OGFOD2: variants seen among roughly 807,000 people sequenced by gnomAD.
OGFOD2 encodes the protein 2-oxoglutarate and iron dependent oxygenase domain containing 2, also known as 2-oxoglutarate and iron-dependent oxygenase domain-containing protein 2.
A neutral mutation model predicts 31.1 loss-of-function variants in OGFOD2; 34 were observed. The ratio of observed to expected loss-of-function variants is 1.09; its 90% CI spans 0.83 to 1.45. The LOEUF (loss-of-function observed/expected upper bound fraction) is 1.45. OGFOD2 is among the 40% of genes most tolerant of loss of function. The probability of loss-of-function intolerance (pLI) is 0.00; values close to 1 mark genes in which losing one functional copy is unlikely to be tolerated. For synonymous variants in OGFOD2, 240 were observed against 192.3 expected (o/e 1.25, Z -2.05); for missense variants, 537 against 433.9 (o/e 1.24, Z -2.11).
exon 1 of OGFOD2, chr12:122,975,254 G>A (rs1274452883): frequency 1.5e-6 from 1 of 679,902 alleles, no homozygotes. Context: ...GCTTCACTAT[G>A]GCGACGGTGG....
rs751284511 is a variant in OGFOD2 at position 122,976,653 on chromosome 12, G to A, written c.190-1G>A. On this transcript the variant is annotated splice_acceptor_variant, in intron 2 of 6. Transcript: ENST00000228922. LOFTEE classifies it high-confidence loss of function. ...CTGGTAACAACCCTGTGCCACCCCA[G>A]CTTGAGCAGGAGGTGGAGCGGCGGC... 7 of 1,589,776 alleles carry A rather than the reference G, an allele frequency of 4.4e-6. No individual in the cohort carries two copies. The South Asian group carries it at 7.7e-5, about 18-fold the overall frequency.
intron 1 of OGFOD2, 188 bp from the exon 2 acceptor site, chr12:122,975,623 T>C: frequency 1.7e-6 from 1 of 604,204 alleles, no homozygotes; most frequent in Non-Finnish European, 3.0e-6. Flanking sequence ...GGGCTCAGCT[T>C]GCCGCCTCAC....
At chr12:122,979,438 ACTT>A in exon 7 of OGFOD2, 3 of 1,427,566 alleles carry the variant, frequency 2.1e-6, no homozygotes, top group Non-Finnish European at 2.8e-6. Flanking sequence ...AGCCTACTGC[ACTT>A]CTTGGCTCAA....
At chr12:122,978,947 C>T (rs774052982) in exon 6 of OGFOD2, 1 of 1,613,322 alleles carries the variant, frequency 6.2e-7, no homozygotes, top group Non-Finnish European at 8.5e-7. Flanking sequence ...CCGAGCTCAC[C>T]CTCAATGTGG....
Position 122,978,422 on chromosome 12 carries a change from G to T in OGFOD2, c.404-20G>T. 2 of 1,611,974 alleles carry T rather than the reference G, an allele frequency of 1.2e-6. No individual in the cohort carries two copies. The highest frequency in any genetic ancestry group is 2.2e-5 in the South Asian group (2 of 90,994). ...GCCCACGGCCACATTCAGGCCAACA[G>T]ACCATCCCTCCTTCCACAGAGGAGA... On this transcript the variant is annotated intron_variant, in intron 4 of 6. Coordinates refer to ENST00000228922, the Ensembl canonical transcript of OGFOD2.
At chr12:122,978,784 C>A in exon 6 of OGFOD2, 2 of 1,611,226 alleles carry the variant, frequency 1.2e-6, no homozygotes, top group East Asian at 2.2e-5. Flanking sequence ...CTGGACGAGC[C>A]GCTGATGACA....
exon 6 of OGFOD2, chr12:122,978,821 G>A (rs764956069): frequency 1.1e-5 from 18 of 1,612,600 alleles, no homozygotes; most frequent in East Asian, 6.7e-5. Context: ...TCCTGCAGCC[G>A]CTGATGGCCC....
At position 122,976,647 on chromosome 12, in the gene OGFOD2, AC is replaced by A. The variant is rs1211158049; in HGVS notation, c.190-3del. The A allele has an allele frequency of 6.3e-7, 1 of 1,584,280 alleles. No individual in the cohort carries two copies. The highest frequency in any genetic ancestry group is 1.3e-5 in the African/African-American group (1 of 74,494). ...CCCCACCTGGTAACAACCCTGTGCC[AC>A]CCCAGCTTGAGCAGGAGGTGGAGCG... On this transcript the variant is annotated splice_polypyrimidine_tract_variant and splice_region_variant and intron_variant, in intron 2 of 6. Transcript: ENST00000228922.
In OGFOD2 at chr12:122,978,750, C is replaced by T; in HGVS notation, c.532-3C>T. On this transcript the variant is annotated splice_region_variant and splice_polypyrimidine_tract_variant and intron_variant, in intron 5 of 6. Coordinates refer to ENST00000228922, the Ensembl canonical transcript of OGFOD2. ...CTTGCTGACCCCAGGAATCCCCTCC[C>T]AGGTGCTGCTGCACGAGCTCGGGCT... The T allele has an allele frequency of 6.2e-7, 1 of 1,606,678 alleles. No homozygotes were observed. The highest frequency in any genetic ancestry group is 8.5e-7 in the Non-Finnish European group (1 of 1,176,410).
chr12:122,975,257 G>C, exon 1 of OGFOD2: 2 of 673,258 alleles, frequency 3.0e-6, no homozygotes, highest in Non-Finnish European at 5.4e-6. Context: ...TCACTATGGC[G>C]ACGGTGGGGG....
At position 122,976,340 on chromosome 12, in the gene OGFOD2, C is replaced by T. The variant is rs749926775; in HGVS notation, c.190-314C>T. 3 of 1,610,562 alleles carry T rather than the reference C, an allele frequency of 1.9e-6. No homozygotes were observed. The South Asian group carries it at 3.3e-5, about 18-fold the overall frequency. Reference sequence around the variant, plus strand: ...GCTTCCCAGGAGAGTCCTCAGCAACCTCTGGAACACAGGACTTGGCCATGA... The same window carrying T: ...GCTTCCCAGGAGAGTCCTCAGCAACTTCTGGAACACAGGACTTGGCCATGA... On this transcript the variant is annotated intron_variant, in intron 2 of 6. Transcript: ENST00000228922.
chr12:122,976,952 C>G lies in OGFOD2; in HGVS notation c.385C>G (p.Arg129Gly), dbSNP rs370735900. The G allele has an allele frequency of 1.9e-6, 3 of 1,613,606 alleles. No individual in the cohort carries two copies. The Admixed American group carries it at 5.0e-5, about 27-fold the overall frequency. ...CGCAGACCTCAAGGGCCTTCTCCAG[C>G]GGCTGGAGACAGTATCGGGTGAGGT... Residue 129 changes from arginine (R) to glycine (G), a missense_variant, in exon 4 of 7, where the codon CGG (arginine) becomes GGG (glycine). By Grantham distance (125) the Arg-to-Gly change is moderately radical (BLOSUM62 -2). Transcript: ENST00000228922.
exon 1 of OGFOD2, chr12:122,975,302 C>G (rs1594093468): frequency 2.8e-6 from 2 of 701,936 alleles, no homozygotes; most frequent in African/African-American, 3.5e-5. Context: ...CCTGCTTCTG[C>G]ACCGATAACT....
Position 122,976,982 on chromosome 12 carries a change from G to C in OGFOD2, c.403+12G>C. The C allele has an allele frequency of 6.2e-7, 1 of 1,610,792 alleles. No individual in the cohort carries two copies. The highest frequency in any genetic ancestry group is 8.5e-7 in the Non-Finnish European group (1 of 1,178,034). ...GGAGACAGTATCGGGTGAGGTCCTG[G>C]CCCTGAGACCTGGCAGGACCAGGGA... On this transcript the variant is annotated intron_variant, in intron 4 of 6. Transcript: ENST00000228922.
chr12:122,979,814 C>T (rs1223431659), exon 7 of OGFOD2: 2 of 206,524 alleles, frequency 9.7e-6, no homozygotes, highest in Non-Finnish European at 1.9e-5. Flanking sequence ...GGCATCACCC[C>T]CCAGTGGACT....
intron 1 of OGFOD2, 59 bp from the exon 2 acceptor site, chr12:122,975,751 AG>A: frequency 4.8e-6 from 2 of 414,352 alleles, no homozygotes; most frequent in Non-Finnish European, 1.1e-5. Flanking sequence ...ACTGAGGCTT[AG>A]AGAGTGAAGG....
chr12:122,976,605 C>A, intron 2 of OGFOD2, 49 bp from the exon 3 acceptor site: 1 of 1,405,958 alleles, frequency 7.1e-7, no homozygotes, highest in Non-Finnish European at 1.0e-6. Flanking sequence ...GTACAGTGGC[C>A]TCAGGAGGAT....
intron 5 of OGFOD2, 22 bp from the exon 6 acceptor site, chr12:122,978,731 G>A: frequency 1.3e-6 from 2 of 1,599,574 alleles, no homozygotes; most frequent in Non-Finnish European, 1.7e-6. Flanking sequence ...TTTCCTTGCT[G>A]ACCCCAGGAA....
At position 122,976,762 on chromosome 12, in the gene OGFOD2, C is replaced by G. The variant is rs201787230; in HGVS notation, c.298C>G (p.Leu100Val). 2.2e-5 allele frequency: 35 copies of G among 1,611,806 alleles called. No individual in the cohort carries two copies. Among genetic ancestry groups the G allele is most frequent in the Non-Finnish European group, 2.9e-5 (34 of 1,178,270 alleles). The change falls in exon 3 of 7, where the codon CTG becomes GTG. Residue 100 changes from leucine to valine, a missense_variant. Physicochemically the swap from Leu to Val is conservative, Grantham distance 32. Transcript: ENST00000228922. ...GGCACGGCCTGAGGTCTACGACTCACTGCAGGTACCAGCCAGCCAGAGTGC... is the reference window on the plus strand; with the variant it reads ...GGCACGGCCTGAGGTCTACGACTCAGTGCAGGTACCAGCCAGCCAGAGTGC...
Sources: gnomAD v4.1 joint callset for allele counts on GRCh38, gnomAD v4.1.1 for gene constraint, MANE v1.5 for transcripts, NCBI Gene and HGNC (gene_info 2026-07-23, HGNC 2026-07-21) for gene names.